The following PCDHGB2 variants were observed in gnomAD, a reference collection of about 807,000 sequenced individuals.
PCDHGB2 encodes protocadherin gamma subfamily B, 2, also known as protocadherin gamma-B2.
In PCDHGB2, 55 loss-of-function variants were observed where a neutral mutation model predicts 59.3. The ratio of observed to expected loss-of-function variants is 0.93; its 90% CI spans 0.75 to 1.16. The LOEUF (loss-of-function observed/expected upper bound fraction) is 1.16. Among genes scored for constraint, PCDHGB2 ranks in the 50% most tolerant of loss-of-function variants. The pLI is 0.00. For synonymous variants in PCDHGB2, 516 were observed against 512.0 expected, an observed-to-expected ratio of 1.01 and a Z score of -0.11; for missense variants, 1,228 against 1,198.5, an observed-to-expected ratio of 1.02 and a Z score of -0.36.
chr5:141,419,264 G>T (rs2096351955), intron 1 of PCDHGB2: 1 of 1,614,036 alleles, frequency 6.2e-7, no homozygotes, highest in Non-Finnish European at 8.5e-7. Context: ...CCAGCCGGGT[G>T]CCTCCATAGC....
intron 2 of PCDHGB2, among the ~76,000 whole-genome samples, chr5:141,500,254 G>A (rs1260325865): frequency 1.3e-5 from 2 of 150,426 alleles, no homozygotes; most frequent in Non-Finnish European, 3.0e-5. Context: ...TGTCACCCAG[G>A]CTGGACTGCA....
intron 1 of PCDHGB2, chr5:141,414,991 G>T (rs1162432290): frequency 1.9e-6 from 3 of 1,613,766 alleles, no homozygotes; most frequent in Non-Finnish European, 1.7e-6. Flanking sequence ...CGGCCAGAAC[G>T]CCTGGCTGTC....
chr5:141,505,960 G>A (rs2099849410), intron 3 of PCDHGB2, among the ~76,000 whole-genome samples: 1 of 152,202 alleles, frequency 6.6e-6, no homozygotes, highest in Non-Finnish European at 1.5e-5. Context: ...AGTGGGTGTA[G>A]AAATCCCCAG....
chr5:141,480,951 G>A (rs924500955), intron 1 of PCDHGB2, among the ~76,000 whole-genome samples: 4 of 152,038 alleles, frequency 2.6e-5, no homozygotes, highest in Non-Finnish European at 2.9e-5. Flanking sequence ...AGGCTGAGGC[G>A]GAAGCATCAG....
chr5:141,427,481 C>G, intron 1 of PCDHGB2: 2 of 534,060 alleles, frequency 3.7e-6, no homozygotes, highest in Non-Finnish European at 7.2e-6. Flanking sequence ...CCAATAATGA[C>G]TATAAGCTTG....
In PCDHGB2 at chr5:141,485,251, C is replaced by T. The variant is rs748522322; in HGVS notation, c.2422-9556C>T. 7 of 1,614,092 alleles carry T rather than the reference C, an allele frequency of 4.3e-6. No individual in the cohort carries two copies. In the South Asian group the frequency reaches 6.6e-5, roughly 15 times the overall value. On this transcript the variant is annotated intron_variant, in intron 1 of 3. Transcript: ENST00000522605. This position sits in a 1 kb window ranked among gnomAD's most constrained non-coding sequence, Gnocchi z 5.7. The stretch of plus-strand genomic sequence containing the variant: ...TGTTCCTCTTTTACCACCTGGGTTA[C>T]GTTTGTGGGCAGATCCGCTACCCGG...
Position 141,501,290 on chromosome 5 carries a change from TACACACACACACAC to T in PCDHGB2, c.2481-4072_2481-4059del, listed in dbSNP as rs55762287. ...GTCCAGTCTATGGGATATTCCCTTA[TACACACACACACAC>T]ACACACACACACACACACACACACA... On this transcript the variant is annotated intron_variant, in intron 2 of 3. Transcript: ENST00000522605. Among the ~76,000 whole-genome samples, 10 of 136,248 alleles carry T rather than the reference TACACACACACACAC, an allele frequency of 7.3e-5. No homozygotes were observed. In the South Asian group the frequency reaches 1.2e-3, roughly 16 times the overall value. 89.4% of individuals were successfully genotyped at this position (136,248 alleles called of 152,430 possible).
chr5:141,453,288 A>G (rs931678565), intron 1 of PCDHGB2, among the ~76,000 whole-genome samples: 1 of 151,342 alleles, frequency 6.6e-6, no homozygotes, highest in Non-Finnish European at 1.5e-5. Context: ...TAATTTTTTA[A>G]TTATTTATTT....
At chr5:141,488,139 T>C (rs906194527) in intron 1 of PCDHGB2, among the ~76,000 whole-genome samples, 2 of 152,084 alleles carry the variant, frequency 1.3e-5, no homozygotes, top group Non-Finnish European at 2.9e-5. Context: ...AGGAGAGAAC[T>C]AAAGGAATAG....
Position 141,432,093 on chromosome 5 carries a change from CCAACGA to C in PCDHGB2, c.2422-62709_2422-62704del. 1.2e-6 allele frequency: 2 copies of C among 1,614,170 alleles called. No individual in the cohort carries two copies. The highest frequency in any genetic ancestry group is 1.7e-6 in the Non-Finnish European group (2 of 1,180,046). On this transcript the variant is annotated intron_variant, in intron 1 of 3. Coordinates refer to ENST00000522605, the MANE Select transcript of PCDHGB2 (RefSeq NM_018923.3). The surrounding 1 kb of genome is among the most constrained non-coding windows in gnomAD (Gnocchi z 6.0). ...CATATCTCGCTGAACGTGGCAGACA[CCAACGA>C]CAACCCGCCGGTCTTCCCTCAGGCC...
At chr5:141,441,878 TG>T in intron 1 of PCDHGB2, 1 of 343,708 alleles carries the variant, frequency 2.9e-6, no homozygotes, top group Non-Finnish European at 5.6e-6. Context: ...CCTGGCTACC[TG>T]GTCACCAAGG....
chr5:141,393,259 G>C (rs1561641378), intron 1 of PCDHGB2: 1 of 1,613,874 alleles, frequency 6.2e-7, no homozygotes, highest in Admixed American at 1.7e-5. Flanking sequence ...GCGGTTCCTG[G>C]AGCACGTTAT....
chr5:141,381,698 C>A (rs1251060336), intron 1 of PCDHGB2, among the ~76,000 whole-genome samples: 1 of 152,046 alleles, frequency 6.6e-6, no homozygotes, highest in Non-Finnish European at 1.5e-5. Flanking sequence ...ACAACGATTT[C>A]TTTCTTTTTT....
At chr5:141,430,811 A>T in intron 1 of PCDHGB2, 1 of 1,527,400 alleles carries the variant, frequency 6.5e-7, no homozygotes, top group Non-Finnish European at 8.8e-7. Context: ...CCTGCTGGGA[A>T]TCCTCCTGGG....
rs760790964 is a variant in PCDHGB2, at chr5:141,374,159, G to T, written c.2421+11603G>T. The T allele has an allele frequency of 2.7e-5, 44 of 1,612,170 alleles. No homozygotes were observed. Among genetic ancestry groups the T allele is most frequent in the Non-Finnish European group, 3.4e-5 (40 of 1,179,004 alleles). ...CACGCTCCTGGGGACGCTGTGGGGG[G>T]CCGCGGCAGCGCAGATCCGCTACTC... On this transcript the variant is annotated intron_variant, in intron 1 of 3. Transcript: ENST00000522605.
intron 1 of PCDHGB2, chr5:141,389,409 A>G: frequency 6.2e-7 from 1 of 1,613,590 alleles, no homozygotes; most frequent in Admixed American, 1.7e-5. Context: ...AAGCGCGGAG[A>G]GCGGGGTGGT....
rs776773140 is a variant in PCDHGB2, at chr5:141,476,589, G to A, written c.2422-18218G>A. 5 of 1,614,246 alleles carry A rather than the reference G, an allele frequency of 3.1e-6. No individual in the cohort carries two copies. Among genetic ancestry groups the A allele is most frequent in the Non-Finnish European group, 4.2e-6 (5 of 1,180,046 alleles). On this transcript the variant is annotated intron_variant, in intron 1 of 3. Coordinates refer to ENST00000522605, the MANE Select transcript of PCDHGB2 (RefSeq NM_018923.3). This position sits in a 1 kb window ranked among gnomAD's most constrained non-coding sequence, Gnocchi z 7.6. ...CCGGGGACGCGCTTTCCGCTCGAGA[G>A]CGCGCACGATCCCGATGTGGGAAGC...
Position 141,366,720 on chromosome 5 carries a change from T to C in PCDHGB2, c.2421+4164T>C, listed in dbSNP as rs1471976896. 1.2e-6 allele frequency: 2 copies of C among 1,613,598 alleles called. No individual in the cohort carries two copies. Among genetic ancestry groups the C allele is most frequent in the East Asian group, 4.5e-5 (2 of 44,886 alleles). On this transcript the variant is annotated intron_variant, in intron 1 of 3. Transcript: ENST00000522605. ...GAGCCTCTTCTGATGTCTGATAAGG[T>C]AGATGCAAACAAAGAAGAACGGCGA... is the stretch of plus-strand genomic sequence containing the variant.
chr5:141,410,245 C>T, intron 1 of PCDHGB2: 1 of 1,614,038 alleles, frequency 6.2e-7, no homozygotes. Context: ...GCCCTGTACT[C>T]TCTGACCCCC....
Sources: gnomAD v4.1 joint callset for allele counts (sites outside exome capture counted in the v4.1 genomes callset) on GRCh38, gnomAD v4.1.1 for gene constraint, Gnocchi (gnomAD v3.1) non-coding constraint, MANE v1.5 for transcripts, NCBI Gene and HGNC (gene_info 2026-07-23, HGNC 2026-07-21) for gene names.